The following PRCC variants were observed in gnomAD, a reference collection of about 807,000 sequenced individuals.
The protein encoded by PRCC is proline-rich protein PRCC.
Under a neutral mutation model 44.0 loss-of-function variants are expected in PRCC, and 10 were observed. The observed-to-expected ratio is 0.23, with a 90% CI of 0.14 to 0.39. PRCC has a LOEUF of 0.39. Ranked by LOEUF, PRCC falls within the 10% of genes least tolerant of loss-of-function variation. The pLI is 1.00. For synonymous variants in PRCC, 278 were observed against 259.5 expected (o/e 1.07, Z -0.69); for missense variants, 573 against 624.7 (o/e 0.92, Z 0.88).
chr1:156,771,672 C>G (rs1464948119), intron 1 of PRCC, among the ~76,000 whole-genome samples: 1 of 122,788 alleles, frequency 8.1e-6, no homozygotes, highest in Non-Finnish European at 1.7e-5. Context: ...CCAACTCAAG[C>G]TAGTTTAAAT....
intron 1 of PRCC, among the ~76,000 whole-genome samples, chr1:156,779,929 T>C (rs1371240482): frequency 2.0e-5 from 3 of 150,686 alleles, no homozygotes; most frequent in Non-Finnish European, 3.0e-5. Flanking sequence ...TCTGCTCTGT[T>C]ACCCAGGCTG....
At position 156,772,882 on chromosome 1, in the gene PRCC, T is replaced by A. The variant is rs564378864; in HGVS notation, c.468+4643T>A. On this transcript the variant is annotated intron_variant, in intron 1 of 6. Transcript: ENST00000271526. ...GTTTATAAAGAAGAAAACAGGAGTT[T>A]AGAGAACAGAAGTGATTTGCCTGAA... Among the ~76,000 whole-genome samples the A allele has an allele frequency of 2.0e-5, 3 of 152,330 alleles. No individual in the cohort carries two copies. The South Asian group carries it at 6.2e-4, about 32-fold the overall frequency.
At chr1:156,785,858 C>T in intron 2 of PRCC, among the ~76,000 whole-genome samples, 1 of 148,642 alleles carries the variant, frequency 6.7e-6, no homozygotes. Context: ...GTCACCCAAG[C>T]TGGAGTACAG....
At chr1:156,782,463 T>C in intron 2 of PRCC, 134 bp downstream of exon 2, 2 of 761,122 alleles carry the variant, frequency 2.6e-6, no homozygotes, top group South Asian at 4.2e-5. Flanking sequence ...TAGGTTCGGC[T>C]TTGTTTTTCT....
At position 156,787,159 on chromosome 1, in the gene PRCC, T is replaced by C; in HGVS notation, c.1068T>C (p.Ala356=). 3 of 1,603,300 alleles carry C rather than the reference T, an allele frequency of 1.9e-6. No individual in the cohort carries two copies. The highest frequency in any genetic ancestry group is 3.4e-4 in the Middle Eastern group (2 of 5,970). The change falls in exon 3 of 7, where the codon GCT becomes GCC. Residue 356 remains alanine (A), a synonymous_variant. Coordinates refer to ENST00000271526, the MANE Select transcript of PRCC (RefSeq NM_005973.5). ...QFSTYGDANA[A]GAYYQDYYSG... ...CCACATATGGCGATGCCAATGCCGCTGGTGCTTATTATCAGGTGGGTAGGA... is the reference window on the plus strand; with the variant it reads ...CCACATATGGCGATGCCAATGCCGCCGGTGCTTATTATCAGGTGGGTAGGA...
At chr1:156,775,487 A>G (rs1344844308) in intron 1 of PRCC, among the ~76,000 whole-genome samples, 6 of 150,114 alleles carry the variant, frequency 4.0e-5, no homozygotes, top group Non-Finnish European at 3.0e-5. Context: ...AGTAGCTGGG[A>G]TTACAGGCAC....
chr1:156,791,101 G>A, intron 3 of PRCC: 1 of 1,415,718 alleles, frequency 7.1e-7, no homozygotes, highest in Non-Finnish European at 9.5e-7. Flanking sequence ...TCGCCTCTAA[G>A]GGGAATCATG....
chr1:156,779,862 C>T (rs6427331), intron 1 of PRCC, among the ~76,000 whole-genome samples: 126,138 of 151,266 alleles, frequency 0.83, 53,935 homozygotes, highest in East Asian at 0.94. Context: ...CCCAAAGTGC[C>T]AGGATTACAG....
chr1:156,773,019 A>G (rs1310343221), intron 1 of PRCC, among the ~76,000 whole-genome samples: 2 of 152,202 alleles, frequency 1.3e-5, no homozygotes, highest in South Asian at 2.1e-4. Context: ...GAAAGCAGAA[A>G]GCAATACAAA....
At chr1:156,783,847 A>C (rs1264837867) in intron 2 of PRCC, among the ~76,000 whole-genome samples, 1 of 152,138 alleles carries the variant, frequency 6.6e-6, no homozygotes, top group African/African-American at 2.4e-5. Context: ...CTCCTGACTC[A>C]GTTAAAGTTG....
chr1:156,774,720 G>A (rs1168268762), intron 1 of PRCC, among the ~76,000 whole-genome samples: 2 of 151,920 alleles, frequency 1.3e-5, no homozygotes, highest in African/African-American at 4.8e-5. Context: ...TTGGGAGGCC[G>A]AGGCTGGTGG....
chr1:156,792,677 A>C (rs574756770), intron 4 of PRCC, among the ~76,000 whole-genome samples: 3 of 151,370 alleles, frequency 2.0e-5, no homozygotes, highest in Admixed American at 2.0e-4. Context: ...CTAGTCTCGA[A>C]CTCCTGGCCT....
intron 1 of PRCC, among the ~76,000 whole-genome samples, chr1:156,771,116 A>G (rs984151451): frequency 4.6e-5 from 7 of 152,188 alleles, no homozygotes; most frequent in Admixed American, 2.6e-4. Context: ...GGCTGAAGAA[A>G]GGGTAGTATG....
chr1:156,783,671 G>A (rs562734012), intron 2 of PRCC, among the ~76,000 whole-genome samples: 2 of 152,090 alleles, frequency 1.3e-5, no homozygotes, highest in South Asian at 2.1e-4. Context: ...GCTTGAACCC[G>A]TGAGGTGGAA....
chr1:156,795,285 G>GGT (rs1652623405), intron 5 of PRCC, among the ~76,000 whole-genome samples: 1 of 36,054 alleles, frequency 2.8e-5, no homozygotes, highest in African/African-American at 1.4e-4. Flanking sequence ...ATTTTCTGGT[G>GGT]TTTTTTTTTT....
intron 4 of PRCC, among the ~76,000 whole-genome samples, chr1:156,792,712 C>G (rs1408567026): frequency 6.6e-6 from 1 of 152,156 alleles, no homozygotes; most frequent in East Asian, 1.9e-4. Flanking sequence ...GTCTCAGCCT[C>G]CCAAAGTGCT....
chr1:156,788,970 T>C (rs1301332709), intron 3 of PRCC, among the ~76,000 whole-genome samples: 1 of 151,152 alleles, frequency 6.6e-6, no homozygotes, highest in Non-Finnish European at 1.5e-5. Context: ...CCTGCCTATT[T>C]TTTATTTTTT....
intron 1 of PRCC, among the ~76,000 whole-genome samples, chr1:156,772,104 C>T (rs1038985352): frequency 6.6e-6 from 1 of 152,166 alleles, no homozygotes; most frequent in African/African-American, 2.4e-5. Context: ...ACTGATCTGC[C>T]TGCCTCAGCC....
intron 3 of PRCC, among the ~76,000 whole-genome samples, chr1:156,789,012 C>G (rs1215188945): frequency 6.6e-6 from 1 of 152,046 alleles, no homozygotes; most frequent in Non-Finnish European, 1.5e-5. Context: ...CTCTGTCACC[C>G]AGGCTGTAGT....
Sources: gnomAD v4.1 joint callset for allele counts (sites outside exome capture counted in the v4.1 genomes callset) on GRCh38, gnomAD v4.1.1 for gene constraint, MANE v1.5 for transcripts, NCBI Gene and HGNC (gene_info 2026-07-23, HGNC 2026-07-21) for gene names.